SOX5: variants seen among roughly 807,000 people sequenced by gnomAD.
SOX5 encodes the protein SRY-box transcription factor 5.
SOX5 carries 9 observed loss-of-function variants against 92.0 expected under a neutral mutation model. That is an observed-to-expected ratio of 0.10 (90% CI 0.06 to 0.17). The LOEUF (loss-of-function observed/expected upper bound fraction) is 0.17. SOX5 is among the 10% of genes least tolerant of loss of function. The pLI, the probability that SOX5 is intolerant of heterozygous loss-of-function variation, is 1.00. For synonymous variants in SOX5, 344 were observed against 336.3 expected, an observed-to-expected ratio of 1.02 and a Z score of -0.25; for missense variants, 642 against 944.5, an observed-to-expected ratio of 0.68 and a Z score of 4.20.
At chr12:23,662,359 T>A (rs1049118293) in intron 7 of SOX5, among the ~76,000 whole-genome samples, 3 of 152,190 alleles carry the variant, frequency 2.0e-5, no homozygotes, top group Non-Finnish European at 4.4e-5. Context: ...AGGCTGCTGA[T>A]ACTACATCAA....
At chr12:23,549,408 G>T (rs1454554296) in intron 11 of SOX5, among the ~76,000 whole-genome samples, 1 of 151,836 alleles carries the variant, frequency 6.6e-6, no homozygotes, top group Non-Finnish European at 1.5e-5. Flanking sequence ...TAAAAATCAT[G>T]TTACTCAAGA....
chr12:23,808,724 C>T (rs1440486326), intron 3 of SOX5, among the ~76,000 whole-genome samples: 1 of 152,044 alleles, frequency 6.6e-6, no homozygotes, highest in Non-Finnish European at 1.5e-5. Context: ...TTATCGTAAT[C>T]CATTTATGAA....
chr12:24,196,409 T>A (rs1409597580), intron 4 of SOX5, among the ~76,000 whole-genome samples: 1 of 152,238 alleles, frequency 6.6e-6, no homozygotes, highest in Non-Finnish European at 1.5e-5. Context: ...ACCATTGTAA[T>A]GTATTTTACT....
intron 4 of SOX5, among the ~76,000 whole-genome samples, chr12:24,139,586 T>C (rs1950389109): frequency 6.6e-6 from 1 of 152,214 alleles, no homozygotes; most frequent in Admixed American, 6.5e-5. Context: ...ACAAAAATAG[T>C]TTTTTGTTTG....
chr12:23,604,714 G>A lies in SOX5; in HGVS notation c.1018-181C>T, dbSNP rs548931914. ...TTTCATTACTTTTTAGGGGAGAAAT[G>A]ACAGATACTACATATAAGTGATCTC... On this transcript the variant is annotated intron_variant, in intron 8 of 14. Transcript: ENST00000451604. 6.6e-5 allele frequency among the ~76,000 whole-genome samples: 10 copies of A among 152,250 alleles called. No individual in the cohort carries two copies. In the South Asian group the frequency reaches 1.5e-3, roughly 22 times the overall value.
chr12:23,628,353 T>C (rs1394475947), intron 8 of SOX5, among the ~76,000 whole-genome samples: 1 of 152,090 alleles, frequency 6.6e-6, no homozygotes, highest in Non-Finnish European at 1.5e-5. Context: ...CTCTGTTACC[T>C]TAAGCAACTG....
upstream of SOX5, among the ~76,000 whole-genome samples, chr12:23,953,260 T>G (rs1945887424): frequency 1.3e-5 from 2 of 152,094 alleles, no homozygotes; most frequent in Non-Finnish European, 1.5e-5. Context: ...ATCCAATCAA[T>G]ACAATGTTTA....
intron 3 of SOX5, among the ~76,000 whole-genome samples, chr12:24,256,458 T>C (rs1941182675): frequency 6.6e-6 from 1 of 152,202 alleles, no homozygotes; most frequent in South Asian, 2.1e-4. Flanking sequence ...GAAATCCCAC[T>C]TCTGCGACCG....
intron 3 of SOX5, among the ~76,000 whole-genome samples, chr12:24,272,825 G>GT (rs1314403538): frequency 6.6e-6 from 1 of 151,934 alleles, no homozygotes; most frequent in Non-Finnish European, 1.5e-5. Context: ...GAATTGGCCT[G>GT]TAAGTCCTTT....
At chr12:24,139,267 G>A (rs1047615310) in intron 4 of SOX5, among the ~76,000 whole-genome samples, 7 of 152,086 alleles carry the variant, frequency 4.6e-5, no homozygotes, top group South Asian at 2.1e-4. Flanking sequence ...CATTGGGAGC[G>A]AAAGCCAACA....
intron 4 of SOX5, among the ~76,000 whole-genome samples, chr12:24,091,723 A>C (rs551925296): frequency 3.3e-4 from 50 of 152,276 alleles, no homozygotes; most frequent in African/African-American, 9.9e-4. Flanking sequence ...TTGAAAATAT[A>C]ATCTTTTTTC....
intron 3 of SOX5, among the ~76,000 whole-genome samples, chr12:23,791,109 TAC>T (rs1295667616): frequency 1.3e-5 from 2 of 152,192 alleles, no homozygotes; most frequent in African/African-American, 4.8e-5. Flanking sequence ...ACTTGTTAAT[TAC>T]ACAGAGGCAG....
chr12:23,564,950 G>C (rs573213943), intron 10 of SOX5, among the ~76,000 whole-genome samples: 1 of 152,314 alleles, frequency 6.6e-6, no homozygotes. Flanking sequence ...GTTTCTAAAT[G>C]ATCCATGCCT....
intron 4 of SOX5, among the ~76,000 whole-genome samples, chr12:24,210,373 A>G (rs1958473855): frequency 6.6e-6 from 1 of 152,232 alleles, no homozygotes; most frequent in South Asian, 2.1e-4. Context: ...TGCCTCCAGA[A>G]TTCATGCCTG....
chr12:24,229,191 C>T (rs1175824012), intron 3 of SOX5, among the ~76,000 whole-genome samples: 1 of 152,210 alleles, frequency 6.6e-6, no homozygotes, highest in Non-Finnish European at 1.5e-5. Context: ...TGTGGAAGGG[C>T]AGCAACTCCA....
At chr12:23,988,312 G>C (rs1456520156) in intron 4 of SOX5, among the ~76,000 whole-genome samples, 4 of 152,160 alleles carry the variant, frequency 2.6e-5, no homozygotes, top group African/African-American at 9.7e-5. Context: ...CAGTAGAGAA[G>C]AGAGCCTGAA....
intron 4 of SOX5, among the ~76,000 whole-genome samples, chr12:24,110,615 G>A (rs750614870): frequency 5.3e-5 from 8 of 152,124 alleles, no homozygotes; most frequent in Non-Finnish European, 1.2e-4. Flanking sequence ...GCCAGGCATG[G>A]TGGCTCACGC....
At chr12:24,308,949 A>T (rs1014120163) in intron 2 of SOX5, among the ~76,000 whole-genome samples, 7 of 152,118 alleles carry the variant, frequency 4.6e-5, no homozygotes, top group African/African-American at 9.7e-5. Flanking sequence ...ATCCCATACC[A>T]TTTTGTACCT....
rs1207030378 is a variant in SOX5, at chr12:23,535,937, A to C, written c.1988+516T>G. 2.6e-5 allele frequency among the ~76,000 whole-genome samples: 4 copies of C among 152,328 alleles called. No individual in the cohort carries two copies. In the East Asian group the frequency reaches 5.8e-4, roughly 22 times the overall value. ...CTCGGAGCTGCGTTCTCAATTCAGA[A>C]TGAAACCTCCTGTTCCCAACCTTGT... is the stretch of plus-strand genomic sequence containing the variant. On this transcript the variant is annotated intron_variant, in intron 14 of 14. Coordinates refer to ENST00000451604, the MANE Select transcript of SOX5 (RefSeq NM_006940.6).
Sources: gnomAD v4.1 joint callset for allele counts (sites outside exome capture counted in the v4.1 genomes callset) on GRCh38, gnomAD v4.1.1 for gene constraint, MANE v1.5 for transcripts, NCBI Gene and HGNC (gene_info 2026-07-23, HGNC 2026-07-21) for gene names.